C1orf21: variants seen among roughly 807,000 people sequenced by gnomAD.
C1orf21 encodes uncharacterized protein C1orf21.
Under a neutral mutation model 18.7 loss-of-function variants are expected in C1orf21, and 3 were observed. The ratio of observed to expected loss-of-function variants is 0.16; its 90% CI spans 0.07 to 0.42. C1orf21 has a LOEUF of 0.42. Ranked by LOEUF, C1orf21 falls within the 10% of genes least tolerant of loss-of-function variation. The probability of loss-of-function intolerance (pLI) is 0.99; values close to 1 mark genes in which losing one functional copy is unlikely to be tolerated. For missense variants in C1orf21, 104 were observed against 143.6 expected (o/e 0.72, Z 1.41); for synonymous variants, 41 against 46.4 (o/e 0.88, Z 0.47).
Position 184,624,711 on chromosome 1 carries a change from C to A in C1orf21, c.*5155C>A, listed in dbSNP as rs1659978102. 1 of 152,202 alleles carries A rather than the reference C, an allele frequency of 6.6e-6. No homozygotes were observed. Among genetic ancestry groups the A allele is most frequent in the South Asian group, 2.1e-4 (1 of 4,834 alleles). The allele number at this position is 152,202 out of a possible 1,614,324, so 9.4% of individuals were successfully genotyped here. ...TTAAGCACTGAAACTAGATGCAAAT[C>A]TCTTTCGAGACCTTACATGTTTTAG... On this transcript the variant is annotated 3_prime_UTR_variant, in exon 6 of 6. Transcript: ENST00000235307.
intron 1 of C1orf21, among the ~76,000 whole-genome samples, chr1:184,409,062 A>G (rs1228866912): frequency 1.3e-5 from 2 of 152,208 alleles, no homozygotes; most frequent in Non-Finnish European, 2.9e-5. Flanking sequence ...GTAGTTTCCA[A>G]CACTTCCGTT....
At chr1:184,483,784 T>G (rs1010934533) in intron 2 of C1orf21, among the ~76,000 whole-genome samples, 1 of 152,184 alleles carries the variant, frequency 6.6e-6, no homozygotes, top group Non-Finnish European at 1.5e-5. Context: ...TTTAAAGTAC[T>G]CCTCTGTTGG....
chr1:184,422,653 A>G (rs1421592574), intron 1 of C1orf21, among the ~76,000 whole-genome samples: 1 of 152,168 alleles, frequency 6.6e-6, no homozygotes, highest in African/African-American at 2.4e-5. Context: ...TTTTCAGCAC[A>G]CTATTCAGCA....
At chr1:184,478,549 G>A (rs1028192694) in intron 2 of C1orf21, among the ~76,000 whole-genome samples, 1 of 152,214 alleles carries the variant, frequency 6.6e-6, no homozygotes, top group East Asian at 1.9e-4. Context: ...AGGAGGTGGG[G>A]TAGCAATTGC....
intron 3 of C1orf21, among the ~76,000 whole-genome samples, chr1:184,533,957 G>A (rs1317008257): frequency 3.3e-5 from 5 of 152,228 alleles, no homozygotes; most frequent in South Asian, 2.1e-4. Context: ...GGTTGGCAGA[G>A]TAAAGTCATG....
Position 184,486,960 on chromosome 1 carries a change from G to A in C1orf21, c.94+9357G>A, listed in dbSNP as rs1338257820. Among the ~76,000 whole-genome samples the A allele has an allele frequency of 2.0e-5, 3 of 152,328 alleles. No homozygotes were observed. The East Asian group carries it at 5.8e-4, about 30-fold the overall frequency. ...TGCTTGTATTGTCTGTAGCAGTGGAGACCTGCTGGGTGCTTCCTGGCCCTC... is the reference window on the plus strand; with the variant it reads ...TGCTTGTATTGTCTGTAGCAGTGGAAACCTGCTGGGTGCTTCCTGGCCCTC... On this transcript the variant is annotated intron_variant, in intron 2 of 5. Transcript: ENST00000235307.
At chr1:184,433,001 C>G (rs562373736) in intron 1 of C1orf21, among the ~76,000 whole-genome samples, 1 of 152,156 alleles carries the variant, frequency 6.6e-6, no homozygotes, top group African/African-American at 2.4e-5. Context: ...AAGTCAGACC[C>G]AAGAGGTACA....
chr1:184,582,304 ATG>A (rs1659286226), intron 3 of C1orf21, among the ~76,000 whole-genome samples: 1 of 152,262 alleles, frequency 6.6e-6, no homozygotes, highest in Non-Finnish European at 1.5e-5. Flanking sequence ...AATTTTTAAA[ATG>A]TGTGTGTACT....
At chr1:184,532,828 C>T (rs1419271702) in intron 3 of C1orf21, among the ~76,000 whole-genome samples, 2 of 152,012 alleles carry the variant, frequency 1.3e-5, no homozygotes, top group South Asian at 2.1e-4. Flanking sequence ...ACCACTGGAC[C>T]AAGTCAGAAA....
chr1:184,462,020 C>G (rs1170702021), intron 1 of C1orf21, among the ~76,000 whole-genome samples: 1 of 152,138 alleles, frequency 6.6e-6, no homozygotes. Context: ...AGCTGATAAA[C>G]CAAACCAAAT....
chr1:184,493,820 T>C (rs1236163141), intron 2 of C1orf21, among the ~76,000 whole-genome samples: 1 of 152,222 alleles, frequency 6.6e-6, no homozygotes, highest in African/African-American at 2.4e-5. Flanking sequence ...TCCTCCTTTG[T>C]TTCTTGCCTT....
chr1:184,432,334 C>A (rs1213028482), intron 1 of C1orf21, among the ~76,000 whole-genome samples: 1 of 152,150 alleles, frequency 6.6e-6, no homozygotes, highest in Non-Finnish European at 1.5e-5. Context: ...GAATACTATG[C>A]AACCATAAAA....
intron 1 of C1orf21, among the ~76,000 whole-genome samples, chr1:184,467,392 G>A (rs1236672618): frequency 6.6e-6 from 1 of 152,188 alleles, no homozygotes; most frequent in Admixed American, 6.5e-5. Context: ...TGATGAAGCA[G>A]GAGAGAGCTC....
chr1:184,497,725 A>G lies in C1orf21; in HGVS notation c.95-9863A>G, dbSNP rs1657913290. ...CCAGTTTCTTCCTATTTCGTTAATG[A>G]TTTTGCAGCCACTGAATTCTTTCTA... is the stretch of plus-strand genomic sequence containing the variant. On this transcript the variant is annotated intron_variant, in intron 2 of 5. Coordinates refer to ENST00000235307, the MANE Select transcript of C1orf21 (RefSeq NM_030806.4). Among the ~76,000 whole-genome samples, 10 of 152,288 alleles carry G rather than the reference A, an allele frequency of 6.6e-5. 1 individual carries two copies. In the South Asian group the frequency reaches 2.1e-3, roughly 32 times the overall value.
chr1:184,472,335 G>A (rs1055731712), intron 1 of C1orf21, among the ~76,000 whole-genome samples: 10 of 152,110 alleles, frequency 6.6e-5, no homozygotes, highest in Middle Eastern at 3.4e-3. Flanking sequence ...CTGTGTGCCC[G>A]TTGCAATCAG....
chr1:184,410,663 A>ATATTTTT lies in C1orf21; in HGVS notation c.-125+23296_-125+23297insATTTTTT, dbSNP rs67546366. ...TATATATATATATATATATATATAT[A>ATATTTTT]TTTTTTTTTTTTTTTTTTGAGATGG... On this transcript the variant is annotated intron_variant, in intron 1 of 5. Transcript: ENST00000235307. 1.8e-3 allele frequency among the ~76,000 whole-genome samples: 14 copies of ATATTTTT among 7,674 alleles called. 1 individual carries two copies. Among genetic ancestry groups the ATATTTTT allele is most frequent in the Non-Finnish European group, 2.3e-3 (12 of 5,222 alleles). The allele number at this position is 7,674 out of a possible 152,430, so 5.0% of individuals were successfully genotyped here.
chr1:184,449,237 C>T (rs1387115526), intron 1 of C1orf21, among the ~76,000 whole-genome samples: 5 of 150,126 alleles, frequency 3.3e-5, no homozygotes, highest in Non-Finnish European at 7.4e-5. Context: ...GTGTGATGTC[C>T]CCCTTCCTGT....
At chr1:184,453,582 C>T (rs1657154259) in intron 1 of C1orf21, among the ~76,000 whole-genome samples, 1 of 152,158 alleles carries the variant, frequency 6.6e-6, no homozygotes, top group Non-Finnish European at 1.5e-5. Flanking sequence ...ATCCTCTCTT[C>T]TGTTCTGAAG....
chr1:184,461,418 T>C (rs935350093), intron 1 of C1orf21, among the ~76,000 whole-genome samples: 7 of 152,324 alleles, frequency 4.6e-5, no homozygotes, highest in African/African-American at 1.7e-4. Flanking sequence ...ATACTGCAAC[T>C]GATAAATCTG....
Sources: gnomAD v4.1 joint callset for allele counts (sites outside exome capture counted in the v4.1 genomes callset) on GRCh38, gnomAD v4.1.1 for gene constraint, MANE v1.5 for transcripts, NCBI Gene and HGNC (gene_info 2026-07-23, HGNC 2026-07-21) for gene names.